The following KCNMB4 variants were observed in gnomAD, a reference collection of about 807,000 sequenced individuals.
KCNMB4 encodes the protein calcium-activated potassium channel subunit beta-4.
In KCNMB4, 3 loss-of-function variants were observed where a neutral mutation model predicts 20.7. The observed-to-expected ratio is 0.14, with a 90% CI of 0.07 to 0.37. The LOEUF (loss-of-function observed/expected upper bound fraction) is 0.37, where lower values mean the gene tolerates loss of function less well. KCNMB4 is among the 10% of genes least tolerant of loss of function. The pLI is 1.00. For missense variants in KCNMB4, 168 were observed against 265.9 expected (o/e 0.63, Z 2.56); for synonymous variants, 110 against 113.4 (o/e 0.97, Z 0.19).
chr12:70,410,910 C>T (rs1565864129), intron 2 of KCNMB4, among the ~76,000 whole-genome samples: 2 of 152,148 alleles, frequency 1.3e-5, no homozygotes, highest in Admixed American at 1.3e-4. Flanking sequence ...TATCCTGTAG[C>T]ATATGTTTTT....
At chr12:70,423,526 G>A (rs141167318) in intron 2 of KCNMB4, among the ~76,000 whole-genome samples, 86 of 151,800 alleles carry the variant, frequency 5.7e-4, no homozygotes, top group Admixed American at 2.3e-3. Context: ...GGAATGCCGT[G>A]GTGCAATCTT....
chr12:70,416,800 T>A (rs1479450838), intron 2 of KCNMB4, among the ~76,000 whole-genome samples: 1 of 152,330 alleles, frequency 6.6e-6, no homozygotes, highest in East Asian at 1.9e-4. Flanking sequence ...GAATGATTCA[T>A]TGCTAGCCTT....
intron 2 of KCNMB4, among the ~76,000 whole-genome samples, chr12:70,429,632 G>A (rs608607): frequency 0.55 from 81,739 of 148,154 alleles, 22,795 homozygotes; most frequent in East Asian, 0.81. Flanking sequence ...GCACCACTGC[G>A]CTCCAGCCTA....
At chr12:70,370,691 T>C (rs1883577162) in intron 1 of KCNMB4, among the ~76,000 whole-genome samples, 1 of 151,368 alleles carries the variant, frequency 6.6e-6, no homozygotes, top group Admixed American at 6.6e-5. Flanking sequence ...ATGTAAATAA[T>C]AGTTTAAAAC....
At chr12:70,416,441 A>G (rs1276142239) in intron 2 of KCNMB4, among the ~76,000 whole-genome samples, 1 of 152,234 alleles carries the variant, frequency 6.6e-6, no homozygotes. Context: ...TGAATATCAC[A>G]TGCTACCAGG....
At chr12:70,388,163 T>C (rs1008951133) in intron 1 of KCNMB4, among the ~76,000 whole-genome samples, 1 of 152,210 alleles carries the variant, frequency 6.6e-6, no homozygotes, top group African/African-American at 2.4e-5. Flanking sequence ...GATCTCATTC[T>C]TTTTTATAGC....
At chr12:70,388,511 C>T (rs1251710013) in intron 1 of KCNMB4, among the ~76,000 whole-genome samples, 1 of 151,978 alleles carries the variant, frequency 6.6e-6, no homozygotes, top group South Asian at 2.1e-4. Context: ...TCTCTACATC[C>T]TTGCCAGCAT....
At chr12:70,416,609 A>C (rs750986383) in intron 2 of KCNMB4, among the ~76,000 whole-genome samples, 2 of 152,200 alleles carry the variant, frequency 1.3e-5, no homozygotes, top group Non-Finnish European at 2.9e-5. Context: ...ACATATTTGT[A>C]ATCCTTCATT....
intron 2 of KCNMB4, among the ~76,000 whole-genome samples, chr12:70,406,894 A>T (rs1399389083): frequency 6.6e-6 from 1 of 152,248 alleles, no homozygotes; most frequent in Admixed American, 6.5e-5. Flanking sequence ...TACTAAAAGT[A>T]TAAAAGTATT....
intron 2 of KCNMB4, among the ~76,000 whole-genome samples, chr12:70,421,809 C>T (rs1202740742): frequency 1.3e-5 from 2 of 151,528 alleles, no homozygotes; most frequent in Non-Finnish European, 2.9e-5. Flanking sequence ...TCTTGACCCC[C>T]TGACCTCTTG....
At chr12:70,368,525 A>G (rs1356967200) in intron 1 of KCNMB4, among the ~76,000 whole-genome samples, 1 of 152,162 alleles carries the variant, frequency 6.6e-6, no homozygotes, top group East Asian at 1.9e-4. Context: ...CTCAAAGACA[A>G]ATGTTGTAAC....
intron 2 of KCNMB4, among the ~76,000 whole-genome samples, chr12:70,411,754 G>T (rs1019342521): frequency 6.6e-6 from 1 of 152,118 alleles, no homozygotes; most frequent in African/African-American, 2.4e-5. Flanking sequence ...GGCTAGCCTG[G>T]GCAGCATAGG....
intron 2 of KCNMB4, among the ~76,000 whole-genome samples, chr12:70,422,154 T>C (rs1398995727): frequency 6.6e-6 from 1 of 152,230 alleles, no homozygotes; most frequent in African/African-American, 2.4e-5. Context: ...ATAAGAATAA[T>C]CTGTCTCAAA....
intron 1 of KCNMB4, among the ~76,000 whole-genome samples, chr12:70,382,652 A>G (rs1439232184): frequency 6.6e-6 from 1 of 152,156 alleles, no homozygotes; most frequent in East Asian, 1.9e-4. Context: ...ATTAAAATTG[A>G]AGGAAAAATG....
chr12:70,378,213 C>A (rs1346335769), intron 1 of KCNMB4, among the ~76,000 whole-genome samples: 1 of 152,010 alleles, frequency 6.6e-6, no homozygotes, highest in Non-Finnish European at 1.5e-5. Context: ...GCCTTGGCCT[C>A]CCAAAGTGCT....
At chr12:70,371,434 G>T (rs1201052599) in intron 1 of KCNMB4, among the ~76,000 whole-genome samples, 1 of 152,208 alleles carries the variant, frequency 6.6e-6, no homozygotes. Context: ...AGGAGAGGCA[G>T]TGTGGCCTGC....
intron 2 of KCNMB4, among the ~76,000 whole-genome samples, chr12:70,414,902 C>T (rs955056872): frequency 2.6e-5 from 4 of 152,116 alleles, no homozygotes; most frequent in Admixed American, 2.6e-4. Flanking sequence ...ATTATGGTAC[C>T]CATCATATTT....
Position 70,366,711 on chromosome 12 carries a change from G to C in KCNMB4, c.-24G>C. 6.7e-7 allele frequency: 1 copy of C among 1,500,102 alleles called. No individual in the cohort carries two copies. Among genetic ancestry groups the C allele is most frequent in the Non-Finnish European group, 8.9e-7 (1 of 1,123,646 alleles). 92.9% of individuals were successfully genotyped at this position (1,500,102 alleles called of 1,614,324 possible). ...GGGCGGGAGGGGGCGGGGGGAGCACGCCAGCCGCCGAGAGTGGGGGGCGAT... is the reference window on the plus strand; with the variant it reads ...GGGCGGGAGGGGGCGGGGGGAGCACCCCAGCCGCCGAGAGTGGGGGGCGAT... On this transcript the variant is annotated 5_prime_UTR_variant, in exon 1 of 3. Transcript: ENST00000258111.
chr12:70,416,964 C>G (rs1316346930), intron 2 of KCNMB4, among the ~76,000 whole-genome samples: 4 of 152,186 alleles, frequency 2.6e-5, no homozygotes, highest in African/African-American at 9.7e-5. Flanking sequence ...GATATTATAA[C>G]AGAAGGTAGC....
Sources: allele counts gnomAD v4.1 joint callset (sites outside exome capture counted in the v4.1 genomes callset), GRCh38; gene constraint gnomAD v4.1.1; transcripts MANE v1.5; gene names NCBI Gene and HGNC (gene_info 2026-07-23, HGNC 2026-07-21).